GPR107: variants seen among roughly 807,000 people sequenced by gnomAD.
GPR107 encodes G protein-coupled receptor 107.
Under a neutral mutation model 75.5 loss-of-function variants are expected in GPR107, and 31 were observed. That is an observed-to-expected ratio of 0.41 (90% CI 0.31 to 0.55). The LOEUF is 0.55. Ranked by LOEUF, GPR107 falls within the 20% of genes least tolerant of loss-of-function variation. GPR107 has a pLI of 0.26. For synonymous variants in GPR107, 267 were observed against 251.3 expected (o/e 1.06, Z -0.59); for missense variants, 572 against 665.7 (o/e 0.86, Z 1.55).
At chr9:130,057,833 A>ATT (rs201734552) in intron 1 of GPR107, among the ~76,000 whole-genome samples, 9 of 98,494 alleles carry the variant, frequency 9.1e-5, no homozygotes, top group African/African-American at 1.4e-4. Context: ...ATTTATTATT[A>ATT]TTATTTTTTT....
intron 9 of GPR107, among the ~76,000 whole-genome samples, chr9:130,097,155 C>CTTTTTTTTT (rs71387312): frequency 4.6e-5 from 6 of 130,168 alleles, no homozygotes; most frequent in Admixed American, 1.7e-4. Context: ...TCTTTTTTTT[C>CTTTTTTTTT]TTTTTTTTTT....
chr9:130,135,520 C>G lies in GPR107; in HGVS notation c.*399C>G, dbSNP rs1446901325. 1 of 164,122 alleles carries G rather than the reference C, an allele frequency of 6.1e-6. No homozygotes were observed. The highest frequency in any genetic ancestry group is 2.4e-5 in the African/African-American group (1 of 41,564). The allele number at this position is 164,122 out of a possible 1,614,324, so 10.2% of individuals were successfully genotyped here. A position where few individuals can be genotyped will look rare whatever the true frequency, so the allele number is the denominator to read the frequency against. ...GAGGGGGAAGGAGGGTGCGAGGTGTCTGTCTGATGCTTTAGGAAATGTCTA... is the reference window on the plus strand; with the variant it reads ...GAGGGGGAAGGAGGGTGCGAGGTGTGTGTCTGATGCTTTAGGAAATGTCTA... On this transcript the variant is annotated 3_prime_UTR_variant, in exon 18 of 18. Coordinates refer to ENST00000347136, the MANE Select transcript of GPR107 (RefSeq NM_020960.5).
intron 5 of GPR107, 92 bp from the exon 6 acceptor site, chr9:130,083,472 CA>C (rs1202120133): frequency 1.5e-6 from 1 of 660,418 alleles, no homozygotes; most frequent in East Asian, 3.2e-5. Flanking sequence ...TGATATTAGA[CA>C]AGCTGAAGCC....
In GPR107 at chr9:130,125,470, G is replaced by A. The variant is rs574999972; in HGVS notation, c.1356+506G>A. 2.6e-4 allele frequency among the ~76,000 whole-genome samples: 39 copies of A among 150,386 alleles called. 1 individual carries two copies. Among genetic ancestry groups the A allele is most frequent in the Non-Finnish European group, 5.0e-4 (34 of 67,730 alleles). ...ATGGACTCCAACTCCTGGGTTCAGA[G>A]CTCAAAAGATCCTCCCGCCTCAGTC... On this transcript the variant is annotated intron_variant, in intron 15 of 17. Transcript: ENST00000347136.
intron 7 of GPR107, among the ~76,000 whole-genome samples, chr9:130,090,222 AGTCT>A (rs1359119748): frequency 2.6e-5 from 4 of 152,184 alleles, no homozygotes; most frequent in Non-Finnish European, 5.9e-5. Flanking sequence ...ATATTCTCTA[AGTCT>A]GTCTGTCTTT....
At chr9:130,066,829 C>CA (rs1030754985) in intron 1 of GPR107, among the ~76,000 whole-genome samples, 1 of 151,944 alleles carries the variant, frequency 6.6e-6, no homozygotes, top group African/African-American at 2.4e-5. Flanking sequence ...ACTAAAAATA[C>CA]AAAAAAATTA....
Position 130,119,135 on chromosome 9 carries a change from G to A in GPR107, c.1307-5780G>A, listed in dbSNP as rs1454759469. ...TTGGAAGAACAATGGAGGGAGTCGT[G>A]GGACCCCAGGCTGCGACCTGCTGCC... On this transcript the variant is annotated intron_variant, in intron 14 of 17. Transcript: ENST00000347136. Among the ~76,000 whole-genome samples the A allele has an allele frequency of 2.0e-5, 3 of 152,314 alleles. No individual in the cohort carries two copies. In the East Asian group the frequency reaches 5.8e-4, roughly 29 times the overall value.
chr9:130,099,652 C>T (rs1290546238), intron 10 of GPR107, 120 bp downstream of exon 10: 2 of 627,382 alleles, frequency 3.2e-6, no homozygotes, highest in African/African-American at 1.8e-5. Context: ...GAATACATTT[C>T]TCATAAAGCC....
intron 1 of GPR107, among the ~76,000 whole-genome samples, chr9:130,069,786 A>G (rs1830156187): frequency 6.6e-6 from 1 of 151,726 alleles, no homozygotes; most frequent in South Asian, 2.1e-4. Flanking sequence ...CCCGGGTTCA[A>G]GCGATTCTCT....
chr9:130,064,475 C>G (rs1269190731), intron 1 of GPR107, among the ~76,000 whole-genome samples: 1 of 152,134 alleles, frequency 6.6e-6, no homozygotes, highest in Non-Finnish European at 1.5e-5. Flanking sequence ...GCTGGGATTA[C>G]AGGCGTGAGC....
intron 14 of GPR107, chr9:130,110,545 T>C: frequency 1.5e-6 from 1 of 674,690 alleles, no homozygotes; most frequent in East Asian, 2.8e-5. Context: ...AGAACGGGAT[T>C]GTCATTTTGG....
At chr9:130,111,438 GAGA>G (rs1831300254) in intron 14 of GPR107, among the ~76,000 whole-genome samples, 1 of 152,116 alleles carries the variant, frequency 6.6e-6, no homozygotes, top group Admixed American at 6.5e-5. Context: ...AGGGTGAGGT[GAGA>G]AGATCACTTG....
At chr9:130,069,070 A>G (rs961023767) in intron 1 of GPR107, among the ~76,000 whole-genome samples, 6 of 152,142 alleles carry the variant, frequency 3.9e-5, no homozygotes, top group African/African-American at 1.4e-4. Context: ...GGTTGTAAAA[A>G]GTATGTGGTA....
At chr9:130,113,754 AGT>A (rs1217437512) in intron 14 of GPR107, among the ~76,000 whole-genome samples, 2 of 152,210 alleles carry the variant, frequency 1.3e-5, no homozygotes, top group African/African-American at 4.8e-5. Flanking sequence ...TTAATGTAAG[AGT>A]GTGGAAAGTT....
intron 1 of GPR107, among the ~76,000 whole-genome samples, chr9:130,055,863 G>A (rs1829775089): frequency 6.6e-6 from 1 of 151,980 alleles, no homozygotes; most frequent in Non-Finnish European, 1.5e-5. Context: ...ATAATTGCTT[G>A]AACCCGGGAG....
intron 17 of GPR107, chr9:130,132,848 T>C (rs1016040762): frequency 1.3e-5 from 2 of 149,532 alleles, no homozygotes; most frequent in South Asian, 2.1e-4. Context: ...TATACACATA[T>C]ACAATCCACA....
chr9:130,063,745 C>G (rs966869503), intron 1 of GPR107, among the ~76,000 whole-genome samples: 2 of 147,916 alleles, frequency 1.4e-5, no homozygotes, highest in African/African-American at 5.0e-5. Flanking sequence ...CTTTTTTTTT[C>G]TTTTTCCTTT....
At chr9:130,068,815 C>T (rs140358173) in intron 1 of GPR107, among the ~76,000 whole-genome samples, 1 of 150,994 alleles carries the variant, frequency 6.6e-6, no homozygotes, top group Non-Finnish European at 1.5e-5. Flanking sequence ...AATCTTGGCT[C>T]ACTGCAGCCT....
At chr9:130,074,902 C>A (rs754674707) in intron 1 of GPR107, among the ~76,000 whole-genome samples, 8 of 151,304 alleles carry the variant, frequency 5.3e-5, no homozygotes, top group Non-Finnish European at 8.8e-5. Flanking sequence ...TTCCTCCCCA[C>A]CCCCCAGCAT....
Sources: gnomAD v4.1 joint callset for allele counts (sites outside exome capture counted in the v4.1 genomes callset) on GRCh38, gnomAD v4.1.1 for gene constraint, MANE v1.5 for transcripts, NCBI Gene and HGNC (gene_info 2026-07-23, HGNC 2026-07-21) for gene names.